KMT2E: variants seen among roughly 807,000 people sequenced by gnomAD.
The protein encoded by KMT2E is histone reader KMT2E.
KMT2E carries 30 observed loss-of-function variants against 184.6 expected under a neutral mutation model. The observed-to-expected ratio is 0.16, with a 90% confidence interval of 0.12 to 0.22. The LOEUF is 0.22. Among genes scored for constraint, KMT2E ranks in the 10% least tolerant of loss-of-function variants. KMT2E has a pLI of 1.00. For synonymous variants in KMT2E, 815 were observed against 776.5 expected (o/e 1.05, Z -0.82); for missense variants, 2,023 against 2,237.4 (o/e 0.90, Z 1.93).
At chr7:105,108,396 C>T (rs1799006086) in intron 22 of KMT2E, 7 of 310,884 alleles carry the variant, frequency 2.3e-5, no homozygotes, top group Non-Finnish European at 3.2e-5. Context: ...AGTTAGTTCC[C>T]TGATTTCCCA....
chr7:105,080,316 TG>T (rs1797712505), intron 12 of KMT2E, among the ~76,000 whole-genome samples: 1 of 152,172 alleles, frequency 6.6e-6, no homozygotes, highest in Admixed American at 6.5e-5. Context: ...GTGTTGGTTT[TG>T]TTTTTTACAT....
Position 105,034,735 on chromosome 7 carries a change from A to G in KMT2E, c.-188-3391A>G, listed in dbSNP as rs139625128. 3.9e-5 allele frequency among the ~76,000 whole-genome samples: 6 copies of G among 151,996 alleles called. No individual in the cohort carries two copies. In the East Asian group the frequency reaches 9.7e-4, roughly 25 times the overall value. ...ATTGTTCTCCTATGTAACCATACCTATCTTTCTCTACCCCTTCCCTTCTGA... is the reference window on the plus strand; with the variant it reads ...ATTGTTCTCCTATGTAACCATACCTGTCTTTCTCTACCCCTTCCCTTCTGA... On this transcript the variant is annotated intron_variant, in intron 1 of 26. Coordinates refer to ENST00000311117, the MANE Select transcript of KMT2E (RefSeq NM_182931.3).
chr7:105,109,049 G>T lies in KMT2E; in HGVS notation c.3576G>T (p.Leu1192Phe), dbSNP rs766914518. ...TATCACCCCATGCAAGTGGAAGCTT[G>T]AGCAACAATGGTGATGGCTGTGCCA... The part of the protein sequence containing the change: ...ISVSPHASGS[L>F]SNNGDGCASS... Residue 1192 changes from leucine to phenylalanine, a missense_variant, in exon 23 of 27, where the codon TTG becomes TTT. By Grantham distance (22) the Leu-to-Phe change is conservative. This residue lies in a region of KMT2E where 1,108 missense variants were observed against 1,050.9 expected (regional missense o/e 1.05). Transcript: ENST00000311117. 1 of 1,614,184 alleles carries T rather than the reference G, an allele frequency of 6.2e-7. No individual in the cohort carries two copies. Among genetic ancestry groups the T allele is most frequent in the Non-Finnish European group, 8.5e-7 (1 of 1,180,028 alleles).
Position 105,035,423 on chromosome 7 carries a change from C to A in KMT2E, c.-188-2703C>A, listed in dbSNP as rs187301764. Among the ~76,000 whole-genome samples, 35 of 151,826 alleles carry A rather than the reference C, an allele frequency of 2.3e-4. 1 individual carries two copies. Among genetic ancestry groups the A allele is most frequent in the Admixed American group, 2.0e-3 (30 of 15,234 alleles). ...ACCTCAAATTGTCCACCTGCCTCAG[C>A]CTCCCAAAGTGCTGGGATTACAAGT... On this transcript the variant is annotated intron_variant, in intron 1 of 26. Coordinates refer to ENST00000311117, the MANE Select transcript of KMT2E (RefSeq NM_182931.3).
At chr7:105,030,881 A>G (rs1795382495) in intron 1 of KMT2E, among the ~76,000 whole-genome samples, 2 of 152,252 alleles carry the variant, frequency 1.3e-5, no homozygotes, top group African/African-American at 4.8e-5. Context: ...TGTAGACAGT[A>G]TCATCAGAAA....
chr7:105,075,925 G>T, intron 8 of KMT2E, 118 bp from the exon 9 acceptor site: 1 of 728,828 alleles, frequency 1.4e-6, no homozygotes, highest in Non-Finnish European at 2.4e-6. Flanking sequence ...AGCTTTCTTG[G>T]TTACCAAATT....
chr7:105,096,542 C>T (rs1740935022), intron 15 of KMT2E, among the ~76,000 whole-genome samples: 1 of 152,080 alleles, frequency 6.6e-6, no homozygotes, highest in Admixed American at 6.6e-5. Context: ...ACTTGTCAAG[C>T]AGGTATTATA....
intron 3 of KMT2E, among the ~76,000 whole-genome samples, chr7:105,055,827 G>A (rs1370642837): frequency 3.9e-5 from 6 of 152,042 alleles, no homozygotes; most frequent in African/African-American, 1.4e-4. Context: ...TATTATGAAG[G>A]CTCCTGTGCA....
At chr7:105,052,899 A>G (rs1796405999) in intron 3 of KMT2E, among the ~76,000 whole-genome samples, 1 of 152,050 alleles carries the variant, frequency 6.6e-6, no homozygotes, top group Non-Finnish European at 1.5e-5. Flanking sequence ...TGAAGATCTA[A>G]TAGTTAACCC....
intron 1 of KMT2E, among the ~76,000 whole-genome samples, chr7:105,030,386 T>C (rs940279479): frequency 6.6e-6 from 1 of 152,124 alleles, no homozygotes; most frequent in Admixed American, 6.5e-5. Context: ...AAAAGAAAAT[T>C]AGTGAATTTG....
chr7:105,063,146 C>T (rs1255785222), intron 4 of KMT2E, among the ~76,000 whole-genome samples: 1 of 151,654 alleles, frequency 6.6e-6, no homozygotes, highest in Admixed American at 6.6e-5. Flanking sequence ...ACCACTCCCA[C>T]TTTGTAGATA....
intron 15 of KMT2E, among the ~76,000 whole-genome samples, chr7:105,097,044 C>T (rs1369134018): frequency 6.6e-6 from 1 of 152,170 alleles, no homozygotes; most frequent in Non-Finnish European, 1.5e-5. Flanking sequence ...TGGATAACAC[C>T]TTTGACCCCC....
At chr7:105,071,692 C>T (rs185093892) in intron 6 of KMT2E, among the ~76,000 whole-genome samples, 4 of 135,610 alleles carry the variant, frequency 2.9e-5, no homozygotes, top group African/African-American at 1.1e-4. Flanking sequence ...CTCCTGACCT[C>T]GTGATCTGCC....
chr7:105,062,019 T>A lies in KMT2E; in HGVS notation c.72-145T>A, dbSNP rs1331467253. ...CACATAATCTAGATGGGATATATCT[T>A]ATCTATAGTGTATCCACCTGCTGTA... On this transcript the variant is annotated intron_variant, in intron 3 of 26. Transcript: ENST00000311117. 1.4e-5 allele frequency: 8 copies of A among 586,356 alleles called. No homozygotes were observed. In the African/African-American group the frequency reaches 1.5e-4, roughly 11 times the overall value. 36.3% of individuals were successfully genotyped at this position (586,356 alleles called of 1,614,324 possible).
chr7:105,062,346 AC>A (rs918137506), intron 4 of KMT2E, 68 bp downstream of exon 4: 7 of 995,876 alleles, frequency 7.0e-6, no homozygotes, highest in Non-Finnish European at 9.2e-6. Context: ...TGCATGTGAT[AC>A]TGTGCTTGAA....
At chr7:105,068,625 T>TTG (rs1797146208) in intron 6 of KMT2E, among the ~76,000 whole-genome samples, 1 of 115,956 alleles carries the variant, frequency 8.6e-6, no homozygotes, top group African/African-American at 4.2e-5. Flanking sequence ...CTAGTTGTGG[T>TTG]TTTTTTTTTT....
rs527604687 is a variant in KMT2E, at chr7:105,101,407, A to C, written c.1723-18A>C. 6.7e-7 allele frequency: 1 copy of C among 1,495,696 alleles called. No homozygotes were observed. Among genetic ancestry groups the C allele is most frequent in the African/African-American group, 1.4e-5 (1 of 70,144 alleles). 92.7% of individuals were successfully genotyped at this position (1,495,696 alleles called of 1,614,324 possible). The stretch of plus-strand genomic sequence containing the variant: ...AGCATTGATATTTATGATGTCACTT[A>C]AAATTTAAATTTCATAGACAAGAGA... On this transcript the variant is annotated intron_variant, in intron 15 of 26. Transcript: ENST00000311117.
chr7:105,030,685 G>A (rs907569245), intron 1 of KMT2E, among the ~76,000 whole-genome samples: 3 of 152,156 alleles, frequency 2.0e-5, no homozygotes, highest in African/African-American at 7.2e-5. Flanking sequence ...CCACATCTCA[G>A]ACCTACTACA....
rs373321803 is a variant in KMT2E, at chr7:105,113,077, G to A, written c.5321G>A (p.Gly1774Glu). 2 of 1,614,026 alleles carry A rather than the reference G, an allele frequency of 1.2e-6. No individual in the cohort carries two copies. The highest frequency in any genetic ancestry group is 1.7e-5 in the Admixed American group (1 of 60,020). Residue 1774 changes from glycine (G) to glutamate (E), a missense_variant, in exon 27 of 27, where the codon GGA becomes GAA. Around this residue, in one of 8 missense-constraint regions of KMT2E, gnomAD observed 1,108 missense variants for 1,050.9 expected, o/e 1.05. Transcript: ENST00000311117. ...QATHHTTLGP[G>E]PQHQPSGTGP... is the part of the protein sequence containing the mutation. Reference sequence around the variant, plus strand: ...ACACATCATACCACTTTGGGACCGGGACCCCAGCACCAGCCTTCTGGAACA... The same window carrying A: ...ACACATCATACCACTTTGGGACCGGAACCCCAGCACCAGCCTTCTGGAACA...
Sources: allele counts gnomAD v4.1 joint callset (sites outside exome capture counted in the v4.1 genomes callset), GRCh38; gene constraint gnomAD v4.1.1; regional missense constraint gnomAD v4.1.1; transcripts MANE v1.5; gene names NCBI Gene and HGNC (gene_info 2026-07-23, HGNC 2026-07-21).